CPNE8: variants seen among roughly 807,000 people sequenced by gnomAD.
The protein encoded by CPNE8 is copine-8.
A neutral mutation model predicts 81.5 loss-of-function variants in CPNE8; 45 were observed. The observed-to-expected ratio is 0.55, with a 90% CI of 0.44 to 0.71. The LOEUF (loss-of-function observed/expected upper bound fraction) is 0.71, where lower values mean the gene tolerates loss of function less well. Ranked by LOEUF, CPNE8 falls within the 30% of genes least tolerant of loss-of-function variation. The pLI is 0.00. For synonymous variants in CPNE8, 252 were observed against 226.3 expected (o/e 1.11, Z -1.02); for missense variants, 594 against 672.1 (o/e 0.88, Z 1.28).
At position 38,670,745 on chromosome 12, in the gene CPNE8, T is replaced by G; in HGVS notation, c.1490A>C (p.Glu497Ala). The G allele has an allele frequency of 1.2e-6, 2 of 1,608,268 alleles. No individual in the cohort carries two copies. Among genetic ancestry groups the G allele is most frequent in the Non-Finnish European group, 1.7e-6 (2 of 1,176,410 alleles). Residue 497 changes from glutamate (E) to alanine (A), a missense_variant, in exon 19 of 20, where the codon GAA becomes GCA. Coordinates refer to ENST00000331366, the MANE Select transcript of CPNE8 (RefSeq NM_153634.3). ...VRVSSRGKYAERDIVQFVPFR... is the reference protein window; with the variant it reads ...VRVSSRGKYAARDIVQFVPFR... Reference sequence around the variant, plus strand: ...ATTTCTTACCTGCACAATGTCTCTTTCAGCATATTTTCCTCTAGAGGAGAC... The same window carrying G: ...ATTTCTTACCTGCACAATGTCTCTTGCAGCATATTTTCCTCTAGAGGAGAC...
At chr12:38,861,906 G>GAA (rs1408127138) in intron 3 of CPNE8, among the ~76,000 whole-genome samples, 9 of 146,042 alleles carry the variant, frequency 6.2e-5, no homozygotes, top group African/African-American at 2.4e-4. Flanking sequence ...TTATGGCTGA[G>GAA]AGAAAATAGA....
chr12:38,906,488 A>G, upstream of CPNE8: 2 of 985,766 alleles, frequency 2.0e-6, no homozygotes, highest in South Asian at 9.4e-5. Context: ...TTCCAAAGGC[A>G]TGAAAGTTCT....
chr12:38,723,762 A>C lies in CPNE8; in HGVS notation c.914+10T>G, dbSNP rs1329937273. 1 of 1,548,038 alleles carries C rather than the reference A, an allele frequency of 6.5e-7. No individual in the cohort carries two copies. The highest frequency in any genetic ancestry group is 1.7e-5 in the Admixed American group (1 of 57,962). On this transcript the variant is annotated intron_variant, in intron 13 of 19. Coordinates refer to ENST00000331366, the MANE Select transcript of CPNE8 (RefSeq NM_153634.3). ...CCTAAGCAACGAAACAATTTGAGAG[A>C]ATTACTTACCCTCCCTTAATGTAGT...
At chr12:38,814,309 C>CTT (rs61444154) in intron 6 of CPNE8, among the ~76,000 whole-genome samples, 2,069 of 49,206 alleles carry the variant, frequency 0.042, 593 homozygotes, top group Non-Finnish European at 0.057. Context: ...CCAGACCTGG[C>CTT]TTTTTTTTTT....
intron 10 of CPNE8, among the ~76,000 whole-genome samples, chr12:38,744,087 C>T (rs1053413311): frequency 6.6e-6 from 1 of 152,126 alleles, no homozygotes; most frequent in Admixed American, 6.6e-5. Flanking sequence ...AGTATCTGTG[C>T]TTTCAAGAAA....
At chr12:38,659,953 T>G (rs538743210) in intron 19 of CPNE8, among the ~76,000 whole-genome samples, 3 of 152,088 alleles carry the variant, frequency 2.0e-5, no homozygotes, top group South Asian at 4.2e-4. Flanking sequence ...CACTGCTCAA[T>G]GAAATAAAAG....
chr12:38,890,101 T>A (rs1022079744), intron 1 of CPNE8, among the ~76,000 whole-genome samples: 2 of 152,246 alleles, frequency 1.3e-5, no homozygotes, highest in Non-Finnish European at 2.9e-5. Context: ...AAATTGTTCA[T>A]CAATCATCAT....
intron 10 of CPNE8, among the ~76,000 whole-genome samples, chr12:38,740,405 C>T (rs951000764): frequency 4.6e-5 from 7 of 152,164 alleles, no homozygotes; most frequent in Non-Finnish European, 8.8e-5. Flanking sequence ...TGCCTGATTG[C>T]CGTGGCCAGA....
chr12:38,840,972 G>A (rs1047151908), intron 4 of CPNE8, among the ~76,000 whole-genome samples: 2 of 152,094 alleles, frequency 1.3e-5, no homozygotes, highest in Non-Finnish European at 2.9e-5. Context: ...CAAATTTCTT[G>A]TGAATAACCT....
intron 3 of CPNE8, among the ~76,000 whole-genome samples, chr12:38,867,426 T>C (rs1943933575): frequency 6.6e-6 from 1 of 151,688 alleles, no homozygotes; most frequent in African/African-American, 2.4e-5. Flanking sequence ...GATGAATAAA[T>C]GTTAAAATAG....
intron 3 of CPNE8, among the ~76,000 whole-genome samples, chr12:38,851,288 C>T (rs1592137243): frequency 6.6e-6 from 1 of 152,328 alleles, no homozygotes; most frequent in South Asian, 2.1e-4. Context: ...ATGCATACAA[C>T]TGCTTTTTTA....
In CPNE8 at chr12:38,702,857, G is replaced by T. The variant is rs1244583947; in HGVS notation, c.961+18C>A. ...TAATTGCTGATGATTTTTATCAGGG[G>T]ATAATCAAAACACTCACCGTTTGAT... is the stretch of plus-strand genomic sequence containing the variant. On this transcript the variant is annotated intron_variant, in intron 14 of 19. Transcript: ENST00000331366. 6.9e-7 allele frequency: 1 copy of T among 1,455,740 alleles called. No individual in the cohort carries two copies. Among genetic ancestry groups the T allele is most frequent in the Non-Finnish European group, 9.3e-7 (1 of 1,074,114 alleles). 90.2% of individuals were successfully genotyped at this position (1,455,740 alleles called of 1,614,324 possible). A position where few individuals can be genotyped will look rare whatever the true frequency, so the allele number is the denominator to read the frequency against.
chr12:38,764,616 CAAAAAAAAAAAA>C (rs1247038606), intron 8 of CPNE8, among the ~76,000 whole-genome samples: 29 of 45,098 alleles, frequency 6.4e-4, no homozygotes, highest in East Asian at 1.6e-3. Flanking sequence ...GACTCCGTCT[CAAAAAAAAAAAA>C]AAAAAAAAAA....
intron 6 of CPNE8, among the ~76,000 whole-genome samples, chr12:38,787,207 CACAAA>C (rs1942213776): frequency 6.6e-6 from 1 of 151,924 alleles, no homozygotes; most frequent in Non-Finnish European, 1.5e-5. Flanking sequence ...TATTTTATGT[CACAAA>C]ACAAGTCTAA....
chr12:38,685,156 G>T (rs1056827835), intron 16 of CPNE8, among the ~76,000 whole-genome samples: 5 of 152,208 alleles, frequency 3.3e-5, no homozygotes, highest in Admixed American at 6.5e-5. Flanking sequence ...TGTGATATTA[G>T]ATAAGAATGA....
intron 19 of CPNE8, among the ~76,000 whole-genome samples, chr12:38,665,304 A>G (rs1291878579): frequency 1.3e-5 from 2 of 152,156 alleles, no homozygotes; most frequent in African/African-American, 4.8e-5. Flanking sequence ...TTAGACCCTT[A>G]TAATATTTAG....
intron 17 of CPNE8, 124 bp downstream of exon 17, chr12:38,677,328 G>A: frequency 3.2e-6 from 2 of 626,858 alleles, no homozygotes; most frequent in Non-Finnish European, 5.8e-6. Context: ...TAAGGTTAAG[G>A]ATGCAATCTG....
At position 38,743,668 on chromosome 12, in the gene CPNE8, A is replaced by G. The variant is rs138782124; in HGVS notation, c.723-13310T>C. On this transcript the variant is annotated intron_variant, in intron 10 of 19. Coordinates refer to ENST00000331366, the MANE Select transcript of CPNE8 (RefSeq NM_153634.3). ...CGTGCATAAGCAGGCTGGAACTAAG[A>G]ATGTCACAGTTGAACTCCAGAGACT... Among the ~76,000 whole-genome samples the G allele has an allele frequency of 4.3e-3, 650 of 152,296 alleles. 2 individuals are homozygous for G. The highest frequency in any genetic ancestry group is 6.8e-3 in the Non-Finnish European group (461 of 68,014).
intron 19 of CPNE8, among the ~76,000 whole-genome samples, chr12:38,665,658 T>C (rs1313514918): frequency 1.3e-5 from 2 of 152,144 alleles, no homozygotes; most frequent in African/African-American, 2.4e-5. Flanking sequence ...GATTTAAATA[T>C]AATTTTTCAG....
Sources: gnomAD v4.1 joint callset for allele counts (sites outside exome capture counted in the v4.1 genomes callset) on GRCh38, gnomAD v4.1.1 for gene constraint, MANE v1.5 for transcripts, NCBI Gene and HGNC (gene_info 2026-07-23, HGNC 2026-07-21) for gene names.